The following WDR25 variants were observed in gnomAD, a reference collection of about 807,000 sequenced individuals.
WDR25 encodes WD repeat-containing protein 25.
In WDR25, 35 loss-of-function variants were observed where a neutral mutation model predicts 47.7. That is an observed-to-expected ratio of 0.73 (90% CI 0.56 to 0.97). The LOEUF (loss-of-function observed/expected upper bound fraction) is 0.97. Among genes scored for constraint, WDR25 ranks in the 50% least tolerant of loss-of-function variants. WDR25 has a pLI of 0.00. For missense variants in WDR25, 634 were observed against 704.7 expected (o/e 0.90, Z 1.14); for synonymous variants, 248 against 278.9 (o/e 0.89, Z 1.10).
At chr14:100,517,716 C>T (rs768927046) in intron 4 of WDR25, among the ~76,000 whole-genome samples, 4 of 152,162 alleles carry the variant, frequency 2.6e-5, no homozygotes, top group Non-Finnish European at 4.4e-5. Context: ...TGGTGGCACG[C>T]GCCTGTAGTC....
chr14:100,399,422 TTCTC>T (rs1446191527), intron 2 of WDR25, among the ~76,000 whole-genome samples: 1 of 152,034 alleles, frequency 6.6e-6, no homozygotes, highest in African/African-American at 2.4e-5. Flanking sequence ...CTCTCATCCT[TTCTC>T]TCATGTCTTT....
chr14:100,400,195 G>C (rs1340638101), intron 2 of WDR25, among the ~76,000 whole-genome samples: 1 of 152,194 alleles, frequency 6.6e-6, no homozygotes, highest in African/African-American at 2.4e-5. Context: ...GACAGAGCTG[G>C]GGCATGTGTG....
In WDR25 at chr14:100,506,281, T is replaced by C. The variant is rs1055035804; in HGVS notation, c.1102-19589T>C. ...TATGGCTGCATAGTATTCCATGGTGTATATTTGCCACATTTTCTGTATTCA... is the reference window on the plus strand; with the variant it reads ...TATGGCTGCATAGTATTCCATGGTGCATATTTGCCACATTTTCTGTATTCA... On this transcript the variant is annotated intron_variant, in intron 4 of 6. Coordinates refer to ENST00000402312, the MANE Select transcript of WDR25 (RefSeq NM_001161476.3). This position sits in a 1 kb window ranked among gnomAD's most constrained non-coding sequence, Gnocchi z 4.8. Among the ~76,000 whole-genome samples, 1 of 152,236 alleles carries C rather than the reference T, an allele frequency of 6.6e-6. No homozygotes were observed. The highest frequency in any genetic ancestry group is 2.4e-5 in the African/African-American group (1 of 41,468).
intron 2 of WDR25, among the ~76,000 whole-genome samples, chr14:100,396,584 AGAAGCCAAC>A (rs374857501): frequency 2.3e-3 from 343 of 152,362 alleles, no homozygotes; most frequent in Non-Finnish European, 3.9e-3. Flanking sequence ...GCTGTCCAAG[AGAAGCCAAC>A]ACAAGTGGCC....
intron 2 of WDR25, among the ~76,000 whole-genome samples, chr14:100,416,555 TTTCC>T (rs1897875007): frequency 6.6e-6 from 1 of 152,152 alleles, no homozygotes; most frequent in Non-Finnish European, 1.5e-5. Flanking sequence ...GCCTTTTCCC[TTTCC>T]TTCCTTCTTT....
chr14:100,521,175 CATAG>C (rs1387752824), intron 4 of WDR25, among the ~76,000 whole-genome samples: 176 of 151,642 alleles, frequency 1.2e-3, no homozygotes, highest in African/African-American at 4.0e-3. Flanking sequence ...CAGACACACA[CATAG>C]ACACACACAC....
At chr14:100,410,768 G>A (rs183102926) in intron 2 of WDR25, among the ~76,000 whole-genome samples, 145 of 151,770 alleles carry the variant, frequency 9.6e-4, no homozygotes, top group African/African-American at 3.1e-3. Context: ...TTTTGGATGC[G>A]AAGTTTAAGC....
intron 4 of WDR25, among the ~76,000 whole-genome samples, chr14:100,503,288 C>T (rs1436010064): frequency 6.6e-6 from 1 of 152,128 alleles, no homozygotes; most frequent in Non-Finnish European, 1.5e-5. Context: ...TGAGCCAGCT[C>T]ATCAGTTACA....
rs574917366 is a variant in WDR25 at position 100,434,486 on chromosome 14, A to G, written c.823-33535A>G. On this transcript the variant is annotated intron_variant, in intron 2 of 6. Transcript: ENST00000402312. The stretch of plus-strand genomic sequence containing the variant: ...TAGAGCTCTTTTCGACTTCAGACTG[A>G]GAGCATATAGTCCACATTTCAGGTG... 1.6e-4 allele frequency among the ~76,000 whole-genome samples: 24 copies of G among 152,358 alleles called. 1 individual carries two copies. Among genetic ancestry groups the G allele is most frequent in the Middle Eastern group, 3.4e-3 (1 of 294 alleles).
intron 2 of WDR25, among the ~76,000 whole-genome samples, chr14:100,395,285 C>T (rs1897232802): frequency 6.6e-6 from 1 of 152,226 alleles, no homozygotes; most frequent in African/African-American, 2.4e-5. Context: ...AGTTACTTAA[C>T]TCTCTGGACC....
chr14:100,487,008 A>T (rs958427038), intron 4 of WDR25, among the ~76,000 whole-genome samples: 4 of 152,012 alleles, frequency 2.6e-5, no homozygotes, highest in Non-Finnish European at 5.9e-5. Flanking sequence ...TGTGGTTTTT[A>T]AAAAAATTAT....
At chr14:100,524,875 A>C (rs976998305) in intron 4 of WDR25, among the ~76,000 whole-genome samples, 7 of 152,318 alleles carry the variant, frequency 4.6e-5, no homozygotes, top group African/African-American at 1.4e-4. Context: ...TGACACATTT[A>C]ATGTGAATTT....
Position 100,416,274 on chromosome 14 carries a change from C to T in WDR25, c.822+34528C>T, listed in dbSNP as rs562091952. On this transcript the variant is annotated intron_variant, in intron 2 of 6. Coordinates refer to ENST00000402312, the MANE Select transcript of WDR25 (RefSeq NM_001161476.3). ...TACAAGGGAAGTGCCTGGTATAGTT[C>T]CTGGTAATCGTAGATGCCCAAATTG... 5.3e-5 allele frequency among the ~76,000 whole-genome samples: 8 copies of T among 152,278 alleles called. No individual in the cohort carries two copies. In the South Asian group the frequency reaches 1.4e-3, roughly 28 times the overall value.
In WDR25 at chr14:100,526,190, C is replaced by T. The variant is rs142247158; in HGVS notation, c.1272+150C>T. The T allele has an allele frequency of 2.0e-4, 201 of 1,004,158 alleles. 2 individuals carry two copies. The African/African-American group carries it at 2.2e-3, about 11-fold the overall frequency. 62.2% of individuals were successfully genotyped at this position (1,004,158 alleles called of 1,614,324 possible). On this transcript the variant is annotated intron_variant, in intron 5 of 6. Transcript: ENST00000402312. Reference sequence around the variant, plus strand: ...TGAGGGTAGTCAGGTCTCAGCCTGCCGCACACATGGAGAGCTTGCTGTGGG... The same window carrying T: ...TGAGGGTAGTCAGGTCTCAGCCTGCTGCACACATGGAGAGCTTGCTGTGGG...
chr14:100,463,412 C>T (rs1473951416), intron 2 of WDR25, among the ~76,000 whole-genome samples: 1 of 152,154 alleles, frequency 6.6e-6, no homozygotes, highest in East Asian at 1.9e-4. Context: ...CTCTACGCTT[C>T]CAGGACTTTC....
intron 2 of WDR25, among the ~76,000 whole-genome samples, chr14:100,427,460 T>C (rs1898202860): frequency 6.6e-6 from 1 of 152,198 alleles, no homozygotes; most frequent in Non-Finnish European, 1.5e-5. Context: ...GTAGGCACTT[T>C]GAAACATTTG....
intron 2 of WDR25, among the ~76,000 whole-genome samples, chr14:100,398,539 AG>A (rs1367607811): frequency 1.3e-5 from 2 of 152,050 alleles, no homozygotes; most frequent in African/African-American, 2.4e-5. Context: ...TAATACAGAG[AG>A]TTCCTATGTA....
intron 4 of WDR25, among the ~76,000 whole-genome samples, chr14:100,522,901 C>G (rs2029928007): frequency 6.6e-6 from 1 of 152,182 alleles, no homozygotes; most frequent in African/African-American, 2.4e-5. Flanking sequence ...GAGCACAGTC[C>G]TGCTGTGCTC....
rs967473920 is a variant in WDR25 at position 100,449,066 on chromosome 14, A to T, written c.823-18955A>T. On this transcript the variant is annotated intron_variant, in intron 2 of 6. Transcript: ENST00000402312. The surrounding 1 kb of genome is among the most constrained non-coding windows in gnomAD (Gnocchi z 4.2). ...CTGGGCAGGTGAGTGGGGCCTCCGG[A>T]GTCAGCCACTGACTTTCCCACTGTA... Among the ~76,000 whole-genome samples, 3 of 152,078 alleles carry T rather than the reference A, an allele frequency of 2.0e-5. No homozygotes were observed. Among genetic ancestry groups the T allele is most frequent in the Non-Finnish European group, 4.4e-5 (3 of 68,014 alleles).
Sources: gnomAD v4.1 joint callset for allele counts (sites outside exome capture counted in the v4.1 genomes callset) on GRCh38, gnomAD v4.1.1 for gene constraint, Gnocchi (gnomAD v3.1) non-coding constraint, MANE v1.5 for transcripts, NCBI Gene and HGNC (gene_info 2026-07-23, HGNC 2026-07-21) for gene names.